The following TMEM132D variants were observed in gnomAD, a reference collection of about 807,000 sequenced individuals.
TMEM132D encodes the protein transmembrane protein 132D, also known as mature OL transmembrane protein.
In TMEM132D, 21 loss-of-function variants were observed where a neutral mutation model predicts 62.3. The ratio of observed to expected loss-of-function variants is 0.34; its 90% CI spans 0.24 to 0.49. The LOEUF is 0.49. Among genes scored for constraint, TMEM132D ranks in the 20% least tolerant of loss-of-function variants. The probability of loss-of-function intolerance (pLI) is 0.99; values close to 1 mark genes in which losing one functional copy is unlikely to be tolerated. For missense variants in TMEM132D, 1,346 were observed against 1,402.8 expected, an observed-to-expected ratio of 0.96 and a Z score of 0.65; for synonymous variants, 621 against 575.6, an observed-to-expected ratio of 1.08 and a Z score of -1.13.
rs150550863 is a variant in TMEM132D, at chr12:129,605,604, T to TATATATACACACAC, written c.969-74400_969-74399insGTGTGTGTATATAT. 1.3e-4 allele frequency among the ~76,000 whole-genome samples: 14 copies of TATATATACACACAC among 106,278 alleles called. No individual in the cohort carries two copies. The South Asian group carries it at 2.5e-3, about 19-fold the overall frequency. 69.7% of individuals were successfully genotyped at this position (106,278 alleles called of 152,430 possible). ...ATTAGGCATTATATATATATATATA[T>TATATATACACACAC]ACACACACATATATATATACACACA... On this transcript the variant is annotated intron_variant, in intron 2 of 8. Transcript: ENST00000422113.
At chr12:129,732,289 T>C (rs1166042042) in intron 1 of TMEM132D, among the ~76,000 whole-genome samples, 1 of 152,170 alleles carries the variant, frequency 6.6e-6, no homozygotes, top group African/African-American at 2.4e-5. Flanking sequence ...TTCTGGGTGA[T>C]AGGAGTGTCT....
chr12:129,460,478 C>T (rs924450936), intron 3 of TMEM132D, among the ~76,000 whole-genome samples: 3 of 152,138 alleles, frequency 2.0e-5, no homozygotes, highest in Admixed American at 6.6e-5. Flanking sequence ...AGAACACACC[C>T]GCTTTGTGAT....
At chr12:129,496,412 G>T (rs1237194740) in intron 3 of TMEM132D, among the ~76,000 whole-genome samples, 1 of 152,112 alleles carries the variant, frequency 6.6e-6, no homozygotes, top group Non-Finnish European at 1.5e-5. Flanking sequence ...GGTGAAGAAA[G>T]AAATGTTTGG....
intron 4 of TMEM132D, among the ~76,000 whole-genome samples, chr12:129,310,411 G>T (rs973168678): frequency 2.6e-5 from 4 of 152,188 alleles, no homozygotes; most frequent in African/African-American, 9.7e-5. Flanking sequence ...TGAGAGGGAG[G>T]AAAGACAAAT....
chr12:129,087,963 GGTGTCCTCC>G lies in TMEM132D; in HGVS notation c.1444-3270_1444-3262del, dbSNP rs1565959532. ...TGACCGGGGTGTCCTCCCTGACCGG[GGTGTCCTCC>G]ATGACCGGGTGTCCTCCATGACCGG... On this transcript the variant is annotated intron_variant, in intron 5 of 8. Transcript: ENST00000422113. Among the ~76,000 whole-genome samples, 7 of 110,088 alleles carry G rather than the reference GGTGTCCTCC, an allele frequency of 6.4e-5. 1 individual carries two copies. Among genetic ancestry groups the G allele is most frequent in the Non-Finnish European group, 1.2e-4 (6 of 49,750 alleles). The allele number at this position is 110,088 out of a possible 152,430, so 72.2% of individuals were successfully genotyped here.
chr12:129,567,220 A>AT (rs1221865852), intron 2 of TMEM132D, among the ~76,000 whole-genome samples: 7 of 152,330 alleles, frequency 4.6e-5, no homozygotes, highest in African/African-American at 1.7e-4. Flanking sequence ...AGAAAATGTG[A>AT]TTTTTTGATA....
At chr12:129,192,897 G>C (rs1458673387) in intron 5 of TMEM132D, among the ~76,000 whole-genome samples, 2 of 152,152 alleles carry the variant, frequency 1.3e-5, no homozygotes, top group Non-Finnish European at 2.9e-5. Flanking sequence ...CAGGCCAGGC[G>C]CGGTGGCTCA....
chr12:129,542,972 G>A (rs953875646), intron 2 of TMEM132D, among the ~76,000 whole-genome samples: 1 of 151,742 alleles, frequency 6.6e-6, no homozygotes, highest in African/African-American at 2.4e-5. Context: ...GTGTGGAGTA[G>A]GCTATACCAC....
intron 5 of TMEM132D, among the ~76,000 whole-genome samples, chr12:129,161,259 T>C (rs141113786): frequency 4.6e-5 from 7 of 152,298 alleles, no homozygotes; most frequent in African/African-American, 1.4e-4. Context: ...TTATTCTAAA[T>C]AAATGGTAAA....
chr12:129,596,833 C>T (rs1878350793), intron 2 of TMEM132D, among the ~76,000 whole-genome samples: 1 of 151,910 alleles, frequency 6.6e-6, no homozygotes. Context: ...GCCAATAAAG[C>T]CCTTCTAAAT....
At chr12:129,874,792 C>A (rs1386249183) in intron 1 of TMEM132D, among the ~76,000 whole-genome samples, 1 of 149,622 alleles carries the variant, frequency 6.7e-6, no homozygotes, top group Non-Finnish European at 1.5e-5. Context: ...AATTCCACCT[C>A]CCGGTTCAAG....
At chr12:129,255,728 C>G (rs969521707) in intron 4 of TMEM132D, among the ~76,000 whole-genome samples, 1 of 152,196 alleles carries the variant, frequency 6.6e-6, no homozygotes, top group African/African-American at 2.4e-5. Context: ...GCACTCAGCA[C>G]TCTTGATAGT....
chr12:129,823,519 C>T (rs540391326), intron 1 of TMEM132D, among the ~76,000 whole-genome samples: 148 of 152,352 alleles, frequency 9.7e-4, no homozygotes, highest in African/African-American at 3.4e-3. Context: ...TTGCCAGCAG[C>T]CTTTGTAAGG....
intron 2 of TMEM132D, among the ~76,000 whole-genome samples, chr12:129,641,677 C>A (rs979927228): frequency 2.0e-5 from 3 of 152,152 alleles, no homozygotes; most frequent in African/African-American, 4.8e-5. Flanking sequence ...ATCTGCTCTG[C>A]CAGGGCCAGA....
chr12:129,706,895 G>A (rs1881518740), intron 1 of TMEM132D, among the ~76,000 whole-genome samples: 1 of 151,578 alleles, frequency 6.6e-6, no homozygotes, highest in Non-Finnish European at 1.5e-5. Context: ...TTTACAAGCT[G>A]CTAATAATGG....
At chr12:129,836,297 T>C (rs1184626072) in intron 1 of TMEM132D, among the ~76,000 whole-genome samples, 1 of 148,354 alleles carries the variant, frequency 6.7e-6, no homozygotes, top group Non-Finnish European at 1.5e-5. Context: ...TCCAGTCTAA[T>C]GTGCTCCCTG....
chr12:129,831,557 G>C lies in TMEM132D; in HGVS notation c.79+71704C>G, dbSNP rs576634576. On this transcript the variant is annotated intron_variant, in intron 1 of 8. Coordinates refer to ENST00000422113, the MANE Select transcript of TMEM132D (RefSeq NM_133448.3). ...AAATAAAACAGGGTGGATTCCAAAC[G>C]AGACGACACACGTGAATGCTTTAGA... 2.6e-5 allele frequency among the ~76,000 whole-genome samples: 4 copies of C among 152,300 alleles called. No homozygotes were observed. In the South Asian group the frequency reaches 8.3e-4, roughly 32 times the overall value.
In TMEM132D at chr12:129,562,789, A is replaced by G. The variant is rs560331897; in HGVS notation, c.969-31584T>C. Among the ~76,000 whole-genome samples the G allele has an allele frequency of 3.3e-5, 5 of 152,224 alleles. 1 individual carries two copies. In the South Asian group the frequency reaches 1.0e-3, roughly 32 times the overall value. On this transcript the variant is annotated intron_variant, in intron 2 of 8. Transcript: ENST00000422113. ...TTGCTCATGCTATTCCTGGGTGTAG[A>G]ATATCCTCCCAACCTTCGTTCCACC...
At chr12:129,739,218 T>G (rs1392789349) in intron 1 of TMEM132D, among the ~76,000 whole-genome samples, 3 of 152,196 alleles carry the variant, frequency 2.0e-5, no homozygotes, top group African/African-American at 7.2e-5. Context: ...CTGCTCTGCT[T>G]TCAATTCTTG....
Sources: allele counts gnomAD v4.1 joint callset (sites outside exome capture counted in the v4.1 genomes callset), GRCh38; gene constraint gnomAD v4.1.1; transcripts MANE v1.5; gene names NCBI Gene and HGNC (gene_info 2026-07-23, HGNC 2026-07-21).